The following ADARB2 variants were observed in gnomAD, a reference collection of about 807,000 sequenced individuals.
ADARB2 encodes inactive double-stranded RNA-specific editase B2.
ADARB2 carries 25 observed loss-of-function variants against 62.2 expected under a neutral mutation model. The ratio of observed to expected loss-of-function variants is 0.40; its 90% CI spans 0.29 to 0.56. The LOEUF (loss-of-function observed/expected upper bound fraction) is 0.56, where lower values mean the gene tolerates loss of function less well. Ranked by LOEUF, ADARB2 falls within the 20% of genes least tolerant of loss-of-function variation. The pLI, the probability that ADARB2 is intolerant of heterozygous loss-of-function variation, is 0.43. For synonymous variants in ADARB2, 572 were observed against 500.8 expected, an observed-to-expected ratio of 1.14 and a Z score of -1.90; for missense variants, 1,071 against 1,077.4, an observed-to-expected ratio of 0.99 and a Z score of 0.08.
intron 1 of ADARB2, among the ~76,000 whole-genome samples, chr10:1,475,155 C>T (rs1200526033): frequency 6.6e-6 from 1 of 152,032 alleles, no homozygotes; most frequent in African/African-American, 2.4e-5. Flanking sequence ...CGGGGAGGGT[C>T]CGGCACTCAG....
intron 1 of ADARB2, among the ~76,000 whole-genome samples, chr10:1,523,692 AC>A (rs59308190): frequency 0.19 from 29,576 of 152,156 alleles, 3,219 homozygotes; most frequent in Non-Finnish European, 0.25. Flanking sequence ...TTAGAGTATC[AC>A]TGAAATAAAA....
intron 1 of ADARB2, among the ~76,000 whole-genome samples, chr10:1,394,135 C>A (rs550919376): frequency 6.6e-6 from 1 of 152,326 alleles, no homozygotes; most frequent in African/African-American, 2.4e-5. Flanking sequence ...CTTTGGGAGG[C>A]AGGTGGCCTG....
At chr10:1,401,111 C>T (rs1832657851) in intron 1 of ADARB2, among the ~76,000 whole-genome samples, 1 of 152,128 alleles carries the variant, frequency 6.6e-6, no homozygotes, top group African/African-American at 2.4e-5. Flanking sequence ...TTACATGCCT[C>T]CCATTGTGTG....
chr10:1,271,100 G>A (rs1247017371), intron 3 of ADARB2, 31 bp from the exon 4 acceptor site: 2 of 1,581,294 alleles, frequency 1.3e-6, no homozygotes, highest in Non-Finnish European at 1.7e-6. Flanking sequence ...CCTCCACGTT[G>A]GGCTGAGCAG....
intron 1 of ADARB2, among the ~76,000 whole-genome samples, chr10:1,522,250 C>G (rs1044998546): frequency 6.6e-6 from 1 of 152,158 alleles, no homozygotes; most frequent in Admixed American, 6.5e-5. Context: ...CTGCTAGTAA[C>G]AGAGGTTGTC....
intron 1 of ADARB2, among the ~76,000 whole-genome samples, chr10:1,389,784 T>TAAAA (rs869033698): frequency 6.8e-6 from 1 of 146,766 alleles, no homozygotes; most frequent in Non-Finnish European, 1.5e-5. Flanking sequence ...AATAAATAAA[T>TAAAA]AATAAATAAA....
chr10:1,706,371 A>G (rs1265259789), intron 1 of ADARB2, among the ~76,000 whole-genome samples: 1 of 152,228 alleles, frequency 6.6e-6, no homozygotes, highest in Non-Finnish European at 1.5e-5. Context: ...GCTTGGGAGT[A>G]GAAGAGGTGA....
intron 6 of ADARB2, among the ~76,000 whole-genome samples, chr10:1,220,643 A>T (rs56174155): frequency 0.28 from 42,056 of 151,984 alleles, 7,104 homozygotes; most frequent in South Asian, 0.45. Context: ...TTTCTCAGGG[A>T]ATGTGGTTGT....
At chr10:1,268,721 T>C (rs899114854) in intron 4 of ADARB2, among the ~76,000 whole-genome samples, 1 of 152,234 alleles carries the variant, frequency 6.6e-6, no homozygotes, top group East Asian at 1.9e-4. Context: ...TTTGTCTCTT[T>C]ACAATAGGAA....
intron 1 of ADARB2, among the ~76,000 whole-genome samples, chr10:1,527,845 G>C (rs932385009): frequency 6.6e-6 from 1 of 152,146 alleles, no homozygotes; most frequent in South Asian, 2.1e-4. Flanking sequence ...CCAGCTGCAC[G>C]GGGAGAAGCC....
At chr10:1,498,406 A>ATAAATAAG (rs938703754) in intron 1 of ADARB2, among the ~76,000 whole-genome samples, 7 of 141,240 alleles carry the variant, frequency 5.0e-5, no homozygotes, top group South Asian at 4.6e-4. Flanking sequence ...AAATAAATAA[A>ATAAATAAG]TAAGTAATTT....
At chr10:1,652,524 C>T (rs1285182871) in intron 1 of ADARB2, among the ~76,000 whole-genome samples, 5 of 152,130 alleles carry the variant, frequency 3.3e-5, no homozygotes, top group South Asian at 2.1e-4. Context: ...GAAACTTCCT[C>T]GGGGGGCAAA....
intron 1 of ADARB2, among the ~76,000 whole-genome samples, chr10:1,575,961 CTCCGGGGCCAT>C: frequency 3.5e-5 from 1 of 28,880 alleles, no homozygotes; most frequent in Non-Finnish European, 8.4e-5. Context: ...GGGAGGGGTA[CTCCGGGGCCAT>C]GGGAGGGGGC....
chr10:1,188,587 CTTT>C (rs60434013), intron 8 of ADARB2, among the ~76,000 whole-genome samples: 1 of 140,294 alleles, frequency 7.1e-6, no homozygotes, highest in Non-Finnish European at 1.5e-5. Flanking sequence ...AATAGCAGTC[CTTT>C]TTTTTTTTTT....
intron 1 of ADARB2, among the ~76,000 whole-genome samples, chr10:1,643,932 G>A (rs773024419): frequency 6.6e-5 from 10 of 152,236 alleles, no homozygotes; most frequent in Admixed American, 2.0e-4. Flanking sequence ...TGTGAAAGTA[G>A]GGCGGTGTGA....
chr10:1,649,376 C>T (rs186686731), intron 1 of ADARB2, among the ~76,000 whole-genome samples: 36 of 152,304 alleles, frequency 2.4e-4, no homozygotes, highest in Admixed American at 2.2e-3. Context: ...CAATTTTCCA[C>T]AGGGGATACA....
At chr10:1,358,634 T>A (rs1252986860) in intron 3 of ADARB2, among the ~76,000 whole-genome samples, 2 of 25,906 alleles carry the variant, frequency 7.7e-5, no homozygotes, top group Non-Finnish European at 1.4e-4. Context: ...AATGGAAAGT[T>A]TTTTTTTTTC....
In ADARB2 at chr10:1,255,707, C is replaced by T. The variant is rs1831073841; in HGVS notation, c.1193-13408G>A. Among the ~76,000 whole-genome samples the T allele has an allele frequency of 6.6e-6, 1 of 152,208 alleles. No individual in the cohort carries two copies. ...GAGATGCCAGTGACCTTTCTGTGGG[C>T]CTTGGGCAGGGAGCTGGCTGCATGG... On this transcript the variant is annotated intron_variant, in intron 4 of 9. Transcript: ENST00000381312. The surrounding 1 kb of genome is among the most constrained non-coding windows in gnomAD (Gnocchi z 4.7).
chr10:1,718,412 C>T (rs1032778199), intron 1 of ADARB2, among the ~76,000 whole-genome samples: 1 of 152,228 alleles, frequency 6.6e-6, no homozygotes, highest in African/African-American at 2.4e-5. Context: ...TGTGGCCCCA[C>T]TGCCCTGGGA....
Sources: gnomAD v4.1 joint callset for allele counts (sites outside exome capture counted in the v4.1 genomes callset) on GRCh38, gnomAD v4.1.1 for gene constraint, Gnocchi (gnomAD v3.1) non-coding constraint, MANE v1.5 for transcripts, NCBI Gene and HGNC (gene_info 2026-07-23, HGNC 2026-07-21) for gene names.